ELAC2: variants seen among roughly 807,000 people sequenced by gnomAD.
ELAC2 encodes elaC ribonuclease Z 2, also known as zinc phosphodiesterase ELAC protein 2.
Under a neutral mutation model 105.2 loss-of-function variants are expected in ELAC2, and 92 were observed. That is an observed-to-expected ratio of 0.87 (90% CI 0.74 to 1.04). ELAC2 has a LOEUF of 1.04. Ranked by LOEUF, ELAC2 falls within the 50% of genes least tolerant of loss-of-function variation. ELAC2 has a pLI of 0.00. For missense variants in ELAC2, 1,099 were observed against 1,071.7 expected (o/e 1.03, Z -0.36); for synonymous variants, 468 against 409.1 (o/e 1.14, Z -1.74).
At position 13,005,945 on chromosome 17, in the gene ELAC2, T is replaced by C. The variant is rs755543643; in HGVS notation, c.773A>G (p.Lys258Arg). Reference sequence around the variant, plus strand: ...CACTGGGAGGCCCATCTCCTTTGCTTTGAGCACCAAGAAGTTTCCTCTCTT... The same window carrying C: ...CACTGGGAGGCCCATCTCCTTTGCTCTGAGCACCAAGAAGTTTCCTCTCTT... ...HLKRGNFLVLKAKEMGLPVGT... is the reference protein window; with the variant it reads ...HLKRGNFLVLRAKEMGLPVGT... Residue 258 changes from lysine (K) to arginine (R), a missense_variant, in exon 9 of 24, where the codon AAA becomes AGA. Physicochemically the swap from Lys to Arg is conservative, Grantham distance 26. Transcript: ENST00000338034. 10 of 1,614,156 alleles carry C rather than the reference T, an allele frequency of 6.2e-6. No individual in the cohort carries two copies. Among genetic ancestry groups the C allele is most frequent in the Non-Finnish European group, 8.5e-6 (10 of 1,180,040 alleles).
At chr17:13,011,876 A>G (rs2041435593) in intron 6 of ELAC2, 94 bp from the exon 7 acceptor site, 4 of 1,588,138 alleles carry the variant, frequency 2.5e-6, no homozygotes, top group South Asian at 1.1e-5. Context: ...CAGAACGCCA[A>G]TTAAATCAGC....
chr17:13,009,375 A>T (rs2041284586), intron 8 of ELAC2, among the ~76,000 whole-genome samples: 1 of 152,230 alleles, frequency 6.6e-6, no homozygotes, highest in Non-Finnish European at 1.5e-5. Context: ...TATTTAGACA[A>T]ATTTGTTGCA....
intron 14 of ELAC2, 128 bp from the exon 15 acceptor site, chr17:13,000,402 G>A: frequency 2.3e-6 from 2 of 876,592 alleles, no homozygotes; most frequent in Non-Finnish European, 3.8e-6. Flanking sequence ...CAACACTGAA[G>A]GTTAAGTGAC....
At chr17:13,011,855 C>T (rs1567769216) in intron 6 of ELAC2, 73 bp from the exon 7 acceptor site, 5 of 1,610,870 alleles carry the variant, frequency 3.1e-6, no homozygotes, top group Non-Finnish European at 4.2e-6. Context: ...GACGTTCATA[C>T]ATGGGAATGC....
intron 8 of ELAC2, among the ~76,000 whole-genome samples, chr17:13,010,377 G>A (rs574487444): frequency 6.6e-5 from 10 of 152,130 alleles, no homozygotes; most frequent in Non-Finnish European, 1.5e-4. Context: ...CACCACGTTG[G>A]TCAGGCTGTT....
chr17:13,017,267 T>C, intron 1 of ELAC2, 146 bp from the exon 2 acceptor site: 4 of 891,224 alleles, frequency 4.5e-6, no homozygotes, highest in Non-Finnish European at 1.8e-6. Flanking sequence ...GCCACATTTA[T>C]GCTGGTGGGT....
chr17:13,011,841 C>G, intron 6 of ELAC2, 59 bp from the exon 7 acceptor site: 1 of 1,613,226 alleles, frequency 6.2e-7, no homozygotes. Context: ...ACAGCCAAGG[C>G]CCAGACGTTC....
Position 13,011,723 on chromosome 17 carries a change from G to A in ELAC2, c.619C>T (p.Leu207Phe). Residue 207 changes from leucine to phenylalanine, a missense_variant, in exon 7 of 24, where the codon CTC (leucine) becomes TTC (phenylalanine). Transcript: ENST00000338034. ...GAGTCTGAAGATCGCTCTGGACTGA[G>A]CCTGCTGAGAGGCCTTTCTGGACTC... ...WQSPERPLSR[L>F]SPERSSDSES... 6.2e-7 allele frequency: 1 copy of A among 1,614,150 alleles called. No homozygotes were observed.
rs369623673 is a variant in ELAC2, at chr17:12,995,843, C to T, written c.1699-31G>A. The T allele has an allele frequency of 1.0e-3, 1,594 of 1,592,656 alleles. 3 individuals are homozygous for T. The highest frequency in any genetic ancestry group is 1.3e-3 in the Non-Finnish European group (1,499 of 1,168,998). ...ACAAAAAATGCAAGTGCCGACTCGA[C>T]GACAGAACATCTCAATAAAAACTGG... On this transcript the variant is annotated intron_variant, in intron 18 of 23. Coordinates refer to ENST00000338034, the MANE Select transcript of ELAC2 (RefSeq NM_018127.7).
intron 14 of ELAC2, among the ~76,000 whole-genome samples, chr17:13,001,108 C>T (rs1598219996): frequency 6.6e-6 from 1 of 152,206 alleles, no homozygotes; most frequent in Non-Finnish European, 1.5e-5. Flanking sequence ...ACCTCAACAG[C>T]ACACAGCATC....
intron 7 of ELAC2, among the ~76,000 whole-genome samples, chr17:13,011,177 A>T (rs1393878291): frequency 6.6e-6 from 1 of 152,140 alleles, no homozygotes. Context: ...TCTGTTAAGG[A>T]CAACAAACTC....
At chr17:12,999,665 A>AT (rs11439540) in intron 15 of ELAC2, among the ~76,000 whole-genome samples, 74,607 of 150,378 alleles carry the variant, frequency 0.5, 18,834 homozygotes, top group East Asian at 0.88. Flanking sequence ...AGGAATTGGG[A>AT]TTTTTTTTTT....
chr17:13,017,865 C>T lies in ELAC2; in HGVS notation c.83G>A (p.Arg28His), dbSNP rs1192697057. 1.3e-6 allele frequency: 2 copies of T among 1,554,014 alleles called. No homozygotes were observed. The highest frequency in any genetic ancestry group is 2.7e-5 in the African/African-American group (2 of 73,564). Residue 28 changes from arginine (R) to histidine (H), a missense_variant, in exon 1 of 24, where the codon CGC becomes CAC. Physicochemically the swap from Arg to His is conservative, Grantham distance 29. Coordinates refer to ENST00000338034, the MANE Select transcript of ELAC2 (RefSeq NM_018127.7). ...QGRTISQAPARRERPRKDPLR... is the reference protein window; with the variant it reads ...QGRTISQAPAHRERPRKDPLR... The stretch of plus-strand genomic sequence containing the variant: ...CGGGTCCTTGCGCGGCCGCTCGCGG[C>T]GGGCGGGTGCCTGCGATATGGTGCG...
intron 8 of ELAC2, among the ~76,000 whole-genome samples, chr17:13,006,698 C>T (rs2143632559): frequency 6.6e-6 from 1 of 152,314 alleles, no homozygotes; most frequent in East Asian, 1.9e-4. Flanking sequence ...AAGCAAACTG[C>T]CATGTAACAT....
At chr17:12,993,142 C>G in intron 23 of ELAC2, 97 bp from the exon 24 acceptor site, 1 of 1,262,458 alleles carries the variant, frequency 7.9e-7, no homozygotes, top group South Asian at 1.2e-5. Flanking sequence ...CACAGCAGCG[C>G]CAACGCCCCT....
At chr17:12,996,179 G>A (rs1050580071) in intron 17 of ELAC2, 37 of 698,222 alleles carry the variant, frequency 5.3e-5, no homozygotes, top group Non-Finnish European at 7.6e-5. Context: ...GACACGACCC[G>A]TGCTGGGAAG....
At chr17:13,005,259 G>A in intron 10 of ELAC2, 158 bp from the exon 11 acceptor site, 1 of 702,036 alleles carries the variant, frequency 1.4e-6, no homozygotes, top group Admixed American at 2.0e-5. Flanking sequence ...ACACCCTTCT[G>A]GTCTCTTTGT....
rs1478938317 is a variant in ELAC2, at chr17:12,996,670, C to CA, written c.1535dup (p.Leu513AlafsTer6). On this transcript the variant is annotated frameshift_variant, in exon 17 of 24. Coordinates refer to ENST00000338034, the MANE Select transcript of ELAC2 (RefSeq NM_018127.7). LOFTEE classifies it high-confidence loss of function. ...ATGTGCCCTCACCACAGTCCAGTAG[C>CA]AGAGACGTGTCGGGGCTGCAGAAGA... 1.9e-6 allele frequency: 3 copies of CA among 1,613,660 alleles called. No homozygotes were observed. The African/African-American group carries it at 4.0e-5, about 22-fold the overall frequency.
At position 13,004,982 on chromosome 17, in the gene ELAC2, T is replaced by G; in HGVS notation, c.983+7A>C. ...TCACTTCTCCCACCCTAGAGACCCC[T>G]CATTACCTCTGAAAGGTGGCATTCT... On this transcript the variant is annotated splice_region_variant and intron_variant, in intron 11 of 23. Coordinates refer to ENST00000338034, the MANE Select transcript of ELAC2 (RefSeq NM_018127.7). The G allele has an allele frequency of 6.2e-7, 1 of 1,607,092 alleles. No individual in the cohort carries two copies. Among genetic ancestry groups the G allele is most frequent in the East Asian group, 2.2e-5 (1 of 44,828 alleles).
Sources: allele counts gnomAD v4.1 joint callset (sites outside exome capture counted in the v4.1 genomes callset), GRCh38; gene constraint gnomAD v4.1.1; transcripts MANE v1.5; gene names NCBI Gene and HGNC (gene_info 2026-07-23, HGNC 2026-07-21).